The following PCBP3 variants were observed in gnomAD, a reference collection of about 807,000 sequenced individuals.
PCBP3 encodes poly(rC) binding protein 3.
A neutral mutation model predicts 52.7 loss-of-function variants in PCBP3; 25 were observed. That is an observed-to-expected ratio of 0.47 (90% CI 0.35 to 0.66). PCBP3 has a LOEUF of 0.66. Among genes scored for constraint, PCBP3 ranks in the 30% least tolerant of loss-of-function variants. PCBP3 has a pLI of 0.01. For missense variants in PCBP3, 391 were observed against 490.3 expected (o/e 0.80, Z 1.91); for synonymous variants, 162 against 183.0 (o/e 0.89, Z 0.93).
intron 9 of PCBP3, among the ~76,000 whole-genome samples, chr21:45,905,527 G>A (rs549143247): frequency 6.6e-6 from 1 of 152,378 alleles, no homozygotes; most frequent in East Asian, 1.9e-4. Context: ...TGCTTGGGCT[G>A]CCATTGCAAA....
intron 5 of PCBP3, among the ~76,000 whole-genome samples, chr21:45,863,449 GCTCGCC>G: frequency 6.6e-6 from 1 of 152,214 alleles, no homozygotes; most frequent in Non-Finnish European, 1.5e-5. Context: ...TGTCCTACAG[GCTCGCC>G]GGGCTGTTGA....
chr21:45,929,416 G>C lies in PCBP3; in HGVS notation c.718-501G>C, dbSNP rs1286287493. On this transcript the variant is annotated intron_variant, in intron 13 of 17. Coordinates refer to ENST00000681687, the MANE Select transcript of PCBP3 (RefSeq NM_001384156.1). ...CTCATGGGTAAAGCAAGGCCCTGCA[G>C]GGGAGGGGAGTGGGCCAGGCCTAGC... 2.0e-5 allele frequency among the ~76,000 whole-genome samples: 3 copies of C among 152,362 alleles called. No homozygotes were observed. In the East Asian group the frequency reaches 5.8e-4, roughly 29 times the overall value.
intron 4 of PCBP3, among the ~76,000 whole-genome samples, chr21:45,778,413 T>G (rs1453770889): frequency 6.6e-6 from 1 of 152,214 alleles, no homozygotes; most frequent in Non-Finnish European, 1.5e-5. Flanking sequence ...TGTGTCTTGC[T>G]TGGATACTGG....
chr21:45,884,500 T>A (rs1316610153), intron 5 of PCBP3, among the ~76,000 whole-genome samples: 1 of 152,190 alleles, frequency 6.6e-6, no homozygotes, highest in Non-Finnish European at 1.5e-5. Flanking sequence ...TACATACACA[T>A]ATATAACATA....
At chr21:45,861,260 C>T (rs2094500807) in intron 5 of PCBP3, among the ~76,000 whole-genome samples, 1 of 152,232 alleles carries the variant, frequency 6.6e-6, no homozygotes, top group African/African-American at 2.4e-5. Flanking sequence ...CCACCTGGGC[C>T]TCACATCTGC....
At chr21:45,898,683 A>C (rs1179620288) in intron 6 of PCBP3, among the ~76,000 whole-genome samples, 3 of 33,794 alleles carry the variant, frequency 8.9e-5, no homozygotes, top group Non-Finnish European at 1.5e-4. Flanking sequence ...CTCTCCCTCC[A>C]CGGGCCCCTC....
Position 45,661,886 on chromosome 21 carries a change from G to T in PCBP3, c.-278-6988G>T, listed in dbSNP as rs575179859. 1.4e-3 allele frequency among the ~76,000 whole-genome samples: 217 copies of T among 152,232 alleles called. 2 individuals carry two copies. The highest frequency in any genetic ancestry group is 6.8e-3 in the Middle Eastern group (2 of 294). ...TGTTGTTTTAATTTGCATTTCTCTG[G>T]TGATTAGTGATGTTGAGCACTTTTT... On this transcript the variant is annotated intron_variant, in intron 1 of 17. Transcript: ENST00000681687.
At chr21:45,669,936 C>G (rs1242662628) in intron 2 of PCBP3, among the ~76,000 whole-genome samples, 1 of 149,538 alleles carries the variant, frequency 6.7e-6, no homozygotes, top group African/African-American at 2.5e-5. Context: ...CTTGGGTATA[C>G]AAATATTTGA....
At position 45,909,439 on chromosome 21, in the gene PCBP3, G is replaced by A. The variant is rs758710955; in HGVS notation, c.424G>A (p.Gly142Arg). 1.1e-5 allele frequency: 18 copies of A among 1,613,212 alleles called. No individual in the cohort carries two copies. The highest frequency in any genetic ancestry group is 2.2e-5 in the East Asian group (1 of 44,884). The change falls in exon 10 of 18, where the codon GGG becomes AGG. Residue 142 changes from glycine (G) to arginine (R), a missense_variant. Coordinates refer to ENST00000681687, the MANE Select transcript of PCBP3 (RefSeq NM_001384156.1). ...LRLVVPASQCGSLIGKGGSKI... is the reference protein window; with the variant it reads ...LRLVVPASQCRSLIGKGGSKI... ...GCTGGTGGTGCCTGCCAGCCAGTGT[G>A]GGTCCCTGATCGGCAAAGGAGGCTC...
chr21:45,684,290 G>C (rs755711612), intron 2 of PCBP3, among the ~76,000 whole-genome samples: 2 of 152,122 alleles, frequency 1.3e-5, no homozygotes, highest in African/African-American at 2.4e-5. Context: ...TAAATCAAGA[G>C]GGTATTAAGT....
chr21:45,675,419 A>G (rs1467282739), intron 2 of PCBP3, among the ~76,000 whole-genome samples: 1 of 152,216 alleles, frequency 6.6e-6, no homozygotes, highest in East Asian at 1.9e-4. Context: ...TTTGTGGTCT[A>G]CATTAGGCAA....
At chr21:45,863,300 T>G (rs1192542587) in intron 5 of PCBP3, among the ~76,000 whole-genome samples, 1 of 152,220 alleles carries the variant, frequency 6.6e-6, no homozygotes, top group African/African-American at 2.4e-5. Context: ...GCTTTATGCC[T>G]ACGCCACCCA....
intron 4 of PCBP3, among the ~76,000 whole-genome samples, chr21:45,831,408 CAAAAAAA>C (rs59400163): frequency 1.5e-3 from 130 of 86,570 alleles, no homozygotes; most frequent in Non-Finnish European, 1.5e-3. Context: ...GATGCTGTCT[CAAAAAAA>C]AAAAAAAAAA....
At chr21:45,912,633 C>T (rs2096419994) in intron 11 of PCBP3, among the ~76,000 whole-genome samples, 1 of 152,142 alleles carries the variant, frequency 6.6e-6, no homozygotes, top group South Asian at 2.1e-4. Context: ...CATGCAGTCC[C>T]AGGGGAGGCC....
chr21:45,896,124 G>A lies in PCBP3; in HGVS notation c.11-84G>A, dbSNP rs571828534. ...CCATTCTCCTGCCACCCGGGAGGCCGGAGTGGGAGCGGCCCAGGACACCCC... is the reference window on the plus strand; with the variant it reads ...CCATTCTCCTGCCACCCGGGAGGCCAGAGTGGGAGCGGCCCAGGACACCCC... On this transcript the variant is annotated intron_variant, in intron 5 of 17. Transcript: ENST00000681687. The A allele has an allele frequency of 8.7e-5, 115 of 1,323,654 alleles. 2 individuals carry two copies. The South Asian group carries it at 1.2e-3, about 14-fold the overall frequency. The allele number at this position is 1,323,654 out of a possible 1,614,324, so 82.0% of individuals were successfully genotyped here. A position where few individuals can be genotyped will look rare whatever the true frequency, so the allele number is the denominator to read the frequency against.
chr21:45,935,519 G>C, intron 16 of PCBP3: 1 of 677,968 alleles, frequency 1.5e-6, no homozygotes, highest in Non-Finnish European at 2.7e-6. Context: ...CTAAGATGTT[G>C]AACAAGCAAC....
chr21:45,814,949 G>A (rs1168510953), intron 4 of PCBP3, among the ~76,000 whole-genome samples: 2 of 121,948 alleles, frequency 1.6e-5, no homozygotes, highest in Admixed American at 8.1e-5. Context: ...GTGATGAGTG[G>A]TGAGTGAGTG....
intron 4 of PCBP3, among the ~76,000 whole-genome samples, chr21:45,841,024 C>G (rs1424537416): frequency 1.3e-5 from 2 of 152,194 alleles, no homozygotes; most frequent in East Asian, 1.9e-4. Flanking sequence ...GTATTCAGTA[C>G]AGTCATGTGT....
At chr21:45,900,559 C>T (rs771655249) in intron 7 of PCBP3, 32 bp from the exon 8 acceptor site, 3 of 1,596,032 alleles carry the variant, frequency 1.9e-6, no homozygotes, top group Non-Finnish European at 1.7e-6. Flanking sequence ...CAGAGGGATA[C>T]CTTTTCCTTA....
Sources: gnomAD v4.1 joint callset for allele counts (sites outside exome capture counted in the v4.1 genomes callset) on GRCh38, gnomAD v4.1.1 for gene constraint, MANE v1.5 for transcripts, NCBI Gene and HGNC (gene_info 2026-07-23, HGNC 2026-07-21) for gene names.